DSTYK: variants seen among roughly 807,000 people sequenced by gnomAD.
DSTYK encodes the protein RIP-homologous kinase.
Under a neutral mutation model 98.7 loss-of-function variants are expected in DSTYK, and 34 were observed. That is an observed-to-expected ratio of 0.34 (90% CI 0.26 to 0.46). DSTYK has a LOEUF of 0.46. DSTYK is among the 20% of genes least tolerant of loss of function. The pLI is 1.00. For missense variants in DSTYK, 962 were observed against 1,181.7 expected, an observed-to-expected ratio of 0.81 and a Z score of 2.73; for synonymous variants, 462 against 457.3, an observed-to-expected ratio of 1.01 and a Z score of -0.13.
chr1:205,154,389 T>C lies in DSTYK; in HGVS notation c.2352+2884A>G, dbSNP rs537179602. ...ATCCCCACATGTCGTGGGAGGGACCTGATGGGAGGTAAGGGGTTTTTCCCC... is the reference window on the plus strand; with the variant it reads ...ATCCCCACATGTCGTGGGAGGGACCCGATGGGAGGTAAGGGGTTTTTCCCC... On this transcript the variant is annotated intron_variant, in intron 10 of 12. Coordinates refer to ENST00000367162, the MANE Select transcript of DSTYK (RefSeq NM_015375.3). 7.8e-4 allele frequency among the ~76,000 whole-genome samples: 119 copies of C among 152,320 alleles called. No individual in the cohort carries two copies. The South Asian group carries it at 0.013, about 17-fold the overall frequency.
Position 205,147,520 on chromosome 1 carries a change from G to A in DSTYK, c.*38C>T. The A allele has an allele frequency of 6.3e-7, 1 of 1,583,236 alleles. No homozygotes were observed. Among genetic ancestry groups the A allele is most frequent in the East Asian group, 2.3e-5 (1 of 44,138 alleles). On this transcript the variant is annotated 3_prime_UTR_variant, in exon 13 of 13. Transcript: ENST00000367162. Reference sequence around the variant, plus strand: ...CCCATGGCCAAAAGGTGAGGGGGAAGGAAATAACTAGAGAGTGAAAGAGAA... The same window carrying A: ...CCCATGGCCAAAAGGTGAGGGGGAAAGAAATAACTAGAGAGTGAAAGAGAA...
At chr1:205,156,355 G>A (rs1036846694) in intron 10 of DSTYK, among the ~76,000 whole-genome samples, 1 of 152,236 alleles carries the variant, frequency 6.6e-6, no homozygotes. Context: ...AAAGCAGCCA[G>A]GAGGTAGGCT....
rs751625087 is a variant in DSTYK at position 205,187,563 on chromosome 1, T to C, written c.509A>G (p.Gln170Arg). The change falls in exon 2 of 13, where the codon CAG becomes CGG. Residue 170 changes from glutamine to arginine, a missense_variant. Gln to Arg is a conservative substitution (Grantham distance 43). Around this residue, in one of 4 missense-constraint regions of DSTYK, gnomAD observed 660 missense variants for 855.0 expected, o/e 0.77. Transcript: ENST00000367162. ...QTRVSLALPG[Q>R]YELVHTLVAH... ...AACCAGCGTGTGCACTAGTTCATAC[T>C]GTCCAGGGAGCGCCAGGCTGACCCG... 2 of 1,614,186 alleles carry C rather than the reference T, an allele frequency of 1.2e-6. No individual in the cohort carries two copies. The highest frequency in any genetic ancestry group is 1.1e-5 in the South Asian group (1 of 91,084).
chr1:205,207,438 T>G (rs113310256), intron 1 of DSTYK, among the ~76,000 whole-genome samples: 1 of 151,568 alleles, frequency 6.6e-6, no homozygotes, highest in South Asian at 2.1e-4. Flanking sequence ...GGAACTTTAC[T>G]GGATAATAAA....
chr1:205,171,576 AAC>A (rs1658066127), intron 2 of DSTYK, among the ~76,000 whole-genome samples: 2 of 152,064 alleles, frequency 1.3e-5, no homozygotes, highest in South Asian at 4.2e-4. Context: ...GAAGGTTCCA[AAC>A]ACACAAGAGC....
At position 205,211,527 on chromosome 1, in the gene DSTYK, G is replaced by A; in HGVS notation, c.9C>T (p.Gly3=). The A allele has an allele frequency of 1.3e-6, 2 of 1,537,920 alleles. No individual in the cohort carries two copies. The highest frequency in any genetic ancestry group is 1.4e-5 in the African/African-American group (1 of 71,742). The change falls in exon 1 of 13, where the codon GGC becomes GGT. Residue 3 remains glycine (G), a synonymous_variant. Transcript: ENST00000367162. ...GCTCGCTGCCCCATGGCACCCCGTC[G>A]CCCTCCATCGCCTCTGCCCGCTCTG... The part of the protein sequence containing the change: ME[G]DGVPWGSEPV...
intron 11 of DSTYK, among the ~76,000 whole-genome samples, chr1:205,148,971 C>T (rs1189920765): frequency 7.4e-5 from 11 of 148,270 alleles, no homozygotes; most frequent in Admixed American, 2.0e-4. Flanking sequence ...GGCATGATCT[C>T]GGCTCACCAC....
chr1:205,149,758 C>T (rs879343024), intron 11 of DSTYK, among the ~76,000 whole-genome samples: 1 of 152,138 alleles, frequency 6.6e-6, no homozygotes, highest in South Asian at 2.1e-4. Context: ...TCTTGCACAA[C>T]AAGCCTTGAT....
At chr1:205,197,171 T>C (rs1184432108) in intron 1 of DSTYK, among the ~76,000 whole-genome samples, 1 of 151,282 alleles carries the variant, frequency 6.6e-6, no homozygotes, top group Non-Finnish European at 1.5e-5. Context: ...GTTGGGACAG[T>C]TGGCAAAACC....
At position 205,169,400 on chromosome 1, in the gene DSTYK, T is replaced by C. The variant is rs1657984760; in HGVS notation, c.1087A>G (p.Asn363Asp). The change falls in exon 3 of 13, where the codon AAC (asparagine) becomes GAC (aspartate). Residue 363 changes from asparagine (N) to aspartate (D), a missense_variant. Coordinates refer to ENST00000367162, the MANE Select transcript of DSTYK (RefSeq NM_015375.3). This position sits in a 1 kb window ranked among gnomAD's most constrained non-coding sequence, Gnocchi z 4.0. Reference protein sequence around the residue: ...TRLVDAAKALNLVHCHCLDIF... With the variant: ...TRLVDAAKALDLVHCHCLDIF... Reference sequence around the variant, plus strand: ...TCAAGGCAGTGGCAGTGCACCAGGTTCAGGGCCTTGGCTGCATCCACCAGG... The same window carrying C: ...TCAAGGCAGTGGCAGTGCACCAGGTCCAGGGCCTTGGCTGCATCCACCAGG... 1 of 1,614,066 alleles carries C rather than the reference T, an allele frequency of 6.2e-7. No homozygotes were observed. The highest frequency in any genetic ancestry group is 1.1e-5 in the South Asian group (1 of 91,082).
chr1:205,207,755 C>CAAAAAAAAAAAA lies in DSTYK; in HGVS notation c.265+3504_265+3515dup, dbSNP rs766036213. On this transcript the variant is annotated intron_variant, in intron 1 of 12. Transcript: ENST00000367162. ...TGGGCAATACAGAGAGACTCTGTCT[C>CAAAAAAAAAAAA]AAAAAAAAAAAAAAAAAAAAAAAAA... 2.3e-4 allele frequency among the ~76,000 whole-genome samples: 12 copies of CAAAAAAAAAAAA among 52,730 alleles called. 1 individual carries two copies. The highest frequency in any genetic ancestry group is 8.4e-4 in the African/African-American group (8 of 9,524). 34.6% of individuals were successfully genotyped at this position (52,730 alleles called of 152,430 possible). A position where few individuals can be genotyped will look rare whatever the true frequency, so the allele number is the denominator to read the frequency against.
chr1:205,186,604 G>T (rs1658564087), intron 2 of DSTYK, among the ~76,000 whole-genome samples: 1 of 152,136 alleles, frequency 6.6e-6, no homozygotes, highest in South Asian at 2.1e-4. Context: ...TCTGAGTATG[G>T]CTGAATTATT....
chr1:205,198,084 T>C (rs1001097043), intron 1 of DSTYK, among the ~76,000 whole-genome samples: 1 of 151,878 alleles, frequency 6.6e-6, no homozygotes, highest in Non-Finnish European at 1.5e-5. Flanking sequence ...TCCCAGCTAC[T>C]CGGTAGGCTG....
rs1239149222 is a variant in DSTYK at position 205,179,602 on chromosome 1, C to T, written c.654+7816G>A. 2.2e-5 allele frequency among the ~76,000 whole-genome samples: 3 copies of T among 136,800 alleles called. No homozygotes were observed. The East Asian group carries it at 6.4e-4, about 29-fold the overall frequency. 89.7% of individuals were successfully genotyped at this position (136,800 alleles called of 152,430 possible). A position where few individuals can be genotyped will look rare whatever the true frequency, so the allele number is the denominator to read the frequency against. On this transcript the variant is annotated intron_variant, in intron 2 of 12. Coordinates refer to ENST00000367162, the MANE Select transcript of DSTYK (RefSeq NM_015375.3). ...CGCCACTGCACTCCAGCCTGGGCAA[C>T]AGAGTGAGAGTCCGTCTCAAAAAAA...
Position 205,211,351 on chromosome 1 carries a change from G to A in DSTYK, c.185C>T (p.Thr62Ile), listed in dbSNP as rs755887691. The change falls in exon 1 of 13, where the codon ACT becomes ATT. Residue 62 changes from threonine (T) to isoleucine (I), a missense_variant. Thr to Ile is a moderately conservative substitution (Grantham distance 89). Transcript: ENST00000367162. The stretch of plus-strand genomic sequence containing the variant: ...GCCGCCCGTGAGGGAGGAGAGACAA[G>A]TGTGGTTGTGGGAGCACTTGATGTC... ...FRDIKCSHNH[T>I]CLSSLTGGGG... The A allele has an allele frequency of 2.2e-5, 36 of 1,612,252 alleles. No homozygotes were observed. Among genetic ancestry groups the A allele is most frequent in the Non-Finnish European group, 3.0e-5 (35 of 1,179,394 alleles).
chr1:205,172,542 C>T (rs1003063969), intron 2 of DSTYK, among the ~76,000 whole-genome samples: 1 of 149,212 alleles, frequency 6.7e-6, no homozygotes, highest in Non-Finnish European at 1.5e-5. Flanking sequence ...GTCTTGAACT[C>T]CTGAGCTCAA....
chr1:205,162,788 C>T, intron 5 of DSTYK, 135 bp downstream of exon 5: 1 of 675,122 alleles, frequency 1.5e-6, no homozygotes, highest in Non-Finnish European at 2.6e-6. Context: ...AGAATTCTCC[C>T]AGGCAGGCAA....
At chr1:205,196,758 A>AT (rs113524415) in intron 1 of DSTYK, among the ~76,000 whole-genome samples, 2,027 of 109,834 alleles carry the variant, frequency 0.018, 59 homozygotes, top group African/African-American at 0.045. Context: ...AAAATGGTGA[A>AT]TTTTTTTTTT....
intron 1 of DSTYK, among the ~76,000 whole-genome samples, chr1:205,207,731 G>A (rs1295754632): frequency 1.2e-4 from 12 of 104,306 alleles, no homozygotes; most frequent in Non-Finnish European, 1.9e-4. Flanking sequence ...ACTCCAGCCT[G>A]GGCAATACAG....
Sources: gnomAD v4.1 joint callset for allele counts (sites outside exome capture counted in the v4.1 genomes callset) on GRCh38, gnomAD v4.1.1 for gene constraint, gnomAD v4.1.1 regional missense constraint, Gnocchi (gnomAD v3.1) non-coding constraint, MANE v1.5 for transcripts, NCBI Gene and HGNC (gene_info 2026-07-23, HGNC 2026-07-21) for gene names.